The following CPEB3 variants were observed in gnomAD, a reference collection of about 807,000 sequenced individuals.
CPEB3 encodes cytoplasmic polyadenylation element-binding protein 3.
Under a neutral mutation model 67.2 loss-of-function variants are expected in CPEB3, and 20 were observed. The ratio of observed to expected loss-of-function variants is 0.30; its 90% CI spans 0.21 to 0.43. The LOEUF (loss-of-function observed/expected upper bound fraction) is 0.43. Among genes scored for constraint, CPEB3 ranks in the 20% least tolerant of loss-of-function variants. The probability of loss-of-function intolerance (pLI) is 1.00; values close to 1 mark genes in which losing one functional copy is unlikely to be tolerated. For missense variants in CPEB3, 746 were observed against 968.6 expected, an observed-to-expected ratio of 0.77 and a Z score of 3.05; for synonymous variants, 376 against 393.1, an observed-to-expected ratio of 0.96 and a Z score of 0.51.
At chr10:92,205,634 G>A (rs998973906) in intron 2 of CPEB3, among the ~76,000 whole-genome samples, 7 of 151,708 alleles carry the variant, frequency 4.6e-5, no homozygotes, top group African/African-American at 1.7e-4. Context: ...GCGCCATGAT[G>A]CCCAGCTAAT....
chr10:92,133,094 C>T (rs1457585644), intron 6 of CPEB3, among the ~76,000 whole-genome samples: 3 of 152,178 alleles, frequency 2.0e-5, no homozygotes, highest in African/African-American at 4.8e-5. Flanking sequence ...ACCCTAACAT[C>T]ACAATTAAAA....
At chr10:92,121,429 G>A (rs896850843) in intron 6 of CPEB3, among the ~76,000 whole-genome samples, 3 of 149,010 alleles carry the variant, frequency 2.0e-5, no homozygotes, top group African/African-American at 4.9e-5. Context: ...GAGCATGCAC[G>A]CAAAAATGTG....
chr10:92,117,521 G>A (rs550877089), intron 6 of CPEB3, among the ~76,000 whole-genome samples: 3 of 150,360 alleles, frequency 2.0e-5, no homozygotes, highest in East Asian at 2.0e-4. Flanking sequence ...TAGTAGAGAC[G>A]GGGTTTCACG....
intron 9 of CPEB3, among the ~76,000 whole-genome samples, chr10:92,053,524 C>G (rs12779904): frequency 7.0e-6 from 1 of 143,592 alleles, no homozygotes; most frequent in Non-Finnish European, 1.5e-5. Flanking sequence ...CCACCACGCT[C>G]GGCTAATTTT....
intron 4 of CPEB3, among the ~76,000 whole-genome samples, chr10:92,153,852 G>C (rs912401987): frequency 6.6e-6 from 1 of 152,088 alleles, no homozygotes; most frequent in Non-Finnish European, 1.5e-5. Context: ...GTTTCACAGA[G>C]ACCATAAAAA....
Position 92,159,944 on chromosome 10 carries a change from C to CT in CPEB3, c.1223-14860dup, listed in dbSNP as rs368362388. Among the ~76,000 whole-genome samples, 942 of 143,890 alleles carry CT rather than the reference C, an allele frequency of 6.5e-3. 8 individuals are homozygous for CT. Among genetic ancestry groups the CT allele is most frequent in the Middle Eastern group, 0.032 (9 of 278 alleles). 94.4% of individuals were successfully genotyped at this position (143,890 alleles called of 152,430 possible). Reference sequence around the variant, plus strand: ...TACTACAAACCTCAATGAAAAAAATCTTTTTTTTTTTTTTCTGAGATGGAG... The same window carrying CT: ...TACTACAAACCTCAATGAAAAAAATCTTTTTTTTTTTTTTTCTGAGATGGAG... On this transcript the variant is annotated intron_variant, in intron 4 of 9. Coordinates refer to ENST00000265997, the MANE Select transcript of CPEB3 (RefSeq NM_014912.5).
At chr10:92,114,557 A>G (rs574192736) in intron 6 of CPEB3, among the ~76,000 whole-genome samples, 1 of 152,344 alleles carries the variant, frequency 6.6e-6, no homozygotes, top group South Asian at 2.1e-4. Flanking sequence ...GCTAATAGCT[A>G]ACATTTGTTG....
At chr10:92,163,174 C>T (rs1047924902) in intron 4 of CPEB3, among the ~76,000 whole-genome samples, 1 of 152,190 alleles carries the variant, frequency 6.6e-6, no homozygotes. Flanking sequence ...GTGGCTCACA[C>T]CTGTAATCCC....
intron 2 of CPEB3, among the ~76,000 whole-genome samples, chr10:92,226,354 C>T (rs1267963191): frequency 1.3e-5 from 2 of 152,316 alleles, no homozygotes; most frequent in East Asian, 3.9e-4. Context: ...TATTTTAATA[C>T]ATGTTTGTCA....
chr10:92,231,693 A>G (rs1046221157), intron 2 of CPEB3, among the ~76,000 whole-genome samples: 4 of 152,094 alleles, frequency 2.6e-5, no homozygotes, highest in African/African-American at 2.4e-5. Flanking sequence ...CCTCAGTAAA[A>G]CCCACACAGC....
At chr10:92,086,916 A>G (rs1178450539) in intron 8 of CPEB3, among the ~76,000 whole-genome samples, 1 of 152,218 alleles carries the variant, frequency 6.6e-6, no homozygotes, top group African/African-American at 2.4e-5. Context: ...CCTAAAGGTA[A>G]TACAGTTAAT....
At chr10:92,088,902 T>C (rs896685315) in intron 8 of CPEB3, among the ~76,000 whole-genome samples, 4 of 152,170 alleles carry the variant, frequency 2.6e-5, no homozygotes, top group African/African-American at 4.8e-5. Context: ...AAAACCAAAT[T>C]TGAAAATCAT....
chr10:92,171,619 T>A (rs966130667), intron 4 of CPEB3, among the ~76,000 whole-genome samples: 3 of 152,162 alleles, frequency 2.0e-5, no homozygotes, highest in African/African-American at 7.2e-5. Flanking sequence ...TGGTATGTAC[T>A]CCTTTTTTTT....
chr10:92,094,808 G>GACACACACAC (rs10654734), intron 7 of CPEB3, among the ~76,000 whole-genome samples: 10 of 145,732 alleles, frequency 6.9e-5, no homozygotes, highest in African/African-American at 2.3e-4. Flanking sequence ...AGATTCTAAT[G>GACACACACAC]ACACACACAC....
At chr10:92,116,489 A>G (rs1271991977) in intron 6 of CPEB3, among the ~76,000 whole-genome samples, 1 of 152,050 alleles carries the variant, frequency 6.6e-6, no homozygotes, top group East Asian at 1.9e-4. Flanking sequence ...TTCTGATTTT[A>G]ATATATTTTA....
chr10:92,164,435 A>G (rs1251661615), intron 4 of CPEB3, among the ~76,000 whole-genome samples: 1 of 152,128 alleles, frequency 6.6e-6, no homozygotes, highest in Non-Finnish European at 1.5e-5. Flanking sequence ...ACCTTTGAAA[A>G]TTTCTTTGTG....
At chr10:92,262,096 G>A (rs562639506) in intron 1 of CPEB3, among the ~76,000 whole-genome samples, 29 of 152,268 alleles carry the variant, frequency 1.9e-4, no homozygotes, top group African/African-American at 7.0e-4. Context: ...TCTTCTTGAG[G>A]AAGCTGAGAA....
At chr10:92,260,761 A>T (rs1047754035) in intron 1 of CPEB3, among the ~76,000 whole-genome samples, 5 of 151,626 alleles carry the variant, frequency 3.3e-5, no homozygotes, top group African/African-American at 1.2e-4. Flanking sequence ...GGCGCACACC[A>T]CCATACCCAG....
intron 4 of CPEB3, among the ~76,000 whole-genome samples, chr10:92,157,228 C>T (rs1847250122): frequency 1.3e-5 from 2 of 152,280 alleles, no homozygotes; most frequent in African/African-American, 4.8e-5. Flanking sequence ...TTTACTAATA[C>T]TCTGAAGTAG....
Sources: allele counts gnomAD v4.1 joint callset (sites outside exome capture counted in the v4.1 genomes callset), GRCh38; gene constraint gnomAD v4.1.1; transcripts MANE v1.5; gene names NCBI Gene and HGNC (gene_info 2026-07-23, HGNC 2026-07-21).